ADGRF3: variants seen among roughly 807,000 people sequenced by gnomAD.
The protein encoded by ADGRF3 is G protein-coupled receptor 113.
ADGRF3 carries 85 observed loss-of-function variants against 93.2 expected under a neutral mutation model. The observed-to-expected ratio is 0.91, with a 90% CI of 0.77 to 1.09. ADGRF3 has a LOEUF of 1.09. Ranked by LOEUF, ADGRF3 falls within the 50% of genes least tolerant of loss-of-function variation. The pLI is 0.00. For synonymous variants in ADGRF3, 534 were observed against 532.5 expected (o/e 1.00, Z -0.04); for missense variants, 1,125 against 1,246.2 (o/e 0.90, Z 1.46).
chr2:26,340,805 C>G (rs577527490), intron 1 of ADGRF3, among the ~76,000 whole-genome samples: 1 of 152,088 alleles, frequency 6.6e-6, no homozygotes, highest in Non-Finnish European at 1.5e-5. Context: ...GAAAATAAGA[C>G]TTTGCCCAGT....
intron 5 of ADGRF3, 62 bp downstream of exon 5, chr2:26,315,460 G>GT: frequency 6.7e-7 from 1 of 1,500,380 alleles, no homozygotes; most frequent in Non-Finnish European, 9.0e-7. Flanking sequence ...AGAGAAGGAA[G>GT]ACGAGGATGA....
chr2:26,326,901 C>G (rs1312431874), intron 1 of ADGRF3, among the ~76,000 whole-genome samples: 1 of 152,100 alleles, frequency 6.6e-6, no homozygotes, highest in Admixed American at 6.6e-5. Context: ...GCCCAAGTAG[C>G]TGGGACTACA....
Position 26,315,325 on chromosome 2 carries a change from G to C in ADGRF3, c.718+197C>G, listed in dbSNP as rs560108146. On this transcript the variant is annotated intron_variant, in intron 5 of 13. Transcript: ENST00000651242. ...TCCACATTGCAATTTTTCACACCAA[G>C]GGACCTCTTAGCCTTTGTTTCCCCA... Among the ~76,000 whole-genome samples, 10 of 152,246 alleles carry C rather than the reference G, an allele frequency of 6.6e-5. 1 individual carries two copies. In the South Asian group the frequency reaches 1.9e-3, roughly 28 times the overall value.
At position 26,328,711 on chromosome 2, in the gene ADGRF3, C is replaced by A. The variant is rs533616388; in HGVS notation, c.115-11149G>T. On this transcript the variant is annotated intron_variant, in intron 1 of 13. Transcript: ENST00000651242. ...TCGTGATCCGCCCGCCTCAGCCTCC[C>A]AAAGTGCTGGGATTACAGGCATGAG... Among the ~76,000 whole-genome samples the A allele has an allele frequency of 3.9e-5, 6 of 152,326 alleles. No individual in the cohort carries two copies. The South Asian group carries it at 1.2e-3, about 32-fold the overall frequency.
At chr2:26,316,834 G>A (rs1674735231) in intron 3 of ADGRF3, 78 bp downstream of exon 3, 1 of 1,470,878 alleles carries the variant, frequency 6.8e-7, no homozygotes, top group Non-Finnish European at 9.1e-7. Context: ...GGCTCACAGA[G>A]TCTCAGGCAA....
intron 1 of ADGRF3, among the ~76,000 whole-genome samples, chr2:26,335,511 G>A (rs1675988549): frequency 6.6e-6 from 1 of 152,154 alleles, no homozygotes; most frequent in Non-Finnish European, 1.5e-5. Flanking sequence ...GGAGTAGAAT[G>A]ACTGGGTCAG....
chr2:26,345,997 G>A, intron 1 of ADGRF3, 124 bp downstream of exon 1: 1 of 997,798 alleles, frequency 1.0e-6, no homozygotes, highest in African/African-American at 1.6e-5. Context: ...CGGGCCGCTC[G>A]AGCGGGCTAG....
intron 2 of ADGRF3, 120 bp from the exon 3 acceptor site, chr2:26,317,175 C>A: frequency 9.4e-7 from 1 of 1,064,674 alleles, no homozygotes; most frequent in South Asian, 1.5e-5. Context: ...CCTCCCACAG[C>A]CTGTCCAGGT....
chr2:26,319,477 T>G (rs1674977457), intron 1 of ADGRF3, among the ~76,000 whole-genome samples: 1 of 152,010 alleles, frequency 6.6e-6, no homozygotes, highest in African/African-American at 2.4e-5. Flanking sequence ...ATATGAGAGC[T>G]GATTTTTACT....
Position 26,313,806 on chromosome 2 carries a change from C to T in ADGRF3, c.1026G>A (p.Leu342=), listed in dbSNP as rs755555944. 13 of 1,613,912 alleles carry T rather than the reference C, an allele frequency of 8.1e-6. No homozygotes were observed. In the East Asian group the frequency reaches 2.9e-4, roughly 36 times the overall value. Residue 342 remains leucine, a synonymous_variant, in exon 7 of 14, where the codon CTG becomes CTA. Transcript: ENST00000651242. The part of the protein sequence containing the change: ...DTTYACDLQS[L]GLAPLRVPIS... ...TGGGGACCCTGAGTGGAGCCAGGCC[C>T]AGGCTCTGCAGGTCACAAGCGTACG...
chr2:26,346,067 C>T (rs1165352707), intron 1 of ADGRF3, 54 bp downstream of exon 1: 1 of 1,512,654 alleles, frequency 6.6e-7, no homozygotes, highest in Non-Finnish European at 8.9e-7. Flanking sequence ...GAGAGGCGGC[C>T]GAAGGGGCCG....
intron 9 of ADGRF3, 130 bp downstream of exon 9, chr2:26,312,813 C>G (rs1674299696): frequency 6.3e-6 from 5 of 791,232 alleles, no homozygotes; most frequent in Non-Finnish European, 1.0e-5. Flanking sequence ...CAGGAGCAGG[C>G]CCCTGGACTC....
chr2:26,337,146 G>C (rs912866174), intron 1 of ADGRF3, among the ~76,000 whole-genome samples: 8 of 152,184 alleles, frequency 5.3e-5, no homozygotes, highest in African/African-American at 1.9e-4. Flanking sequence ...GGCAGTGATT[G>C]TCCTATACTT....
intron 1 of ADGRF3, among the ~76,000 whole-genome samples, chr2:26,319,947 G>A (rs944958283): frequency 1.3e-5 from 2 of 151,982 alleles, no homozygotes; most frequent in Non-Finnish European, 2.9e-5. Context: ...AAATTATCAA[G>A]TTATTTCATA....
In ADGRF3 at chr2:26,313,048, T is replaced by C. The variant is rs367723070; in HGVS notation, c.1344A>G (p.Ala448=). 5.2e-5 allele frequency: 84 copies of C among 1,613,926 alleles called. No homozygotes were observed. The highest frequency in any genetic ancestry group is 6.9e-5 in the Non-Finnish European group (82 of 1,179,896). The change falls in exon 9 of 14, where the codon GCA becomes GCG. Residue 448 remains alanine (A), a synonymous_variant. Transcript: ENST00000651242. The stretch of plus-strand genomic sequence containing the variant: ...GTAAGTCGGAGGGTGAACTTGCCTC[T>C]GCCGCCTGCCCTGGCAGCTGTGCCA... ...QILAQLPGQA[A]EASSPSDLLT...
rs758069037 is a variant in ADGRF3, at chr2:26,316,327, G to A, written c.447C>T (p.Gly149=). 9.7e-6 allele frequency: 15 copies of A among 1,551,882 alleles called. No individual in the cohort carries two copies. In the South Asian group the frequency reaches 1.5e-4, roughly 16 times the overall value. ...CQSLHNHQPC[G]CLVFSHPEPG... ...GTTCGGGATGGCTGAAGACAAGGCA[G>A]CCACAAGGCTGGTGGTTGTGGAGGC... The change falls in exon 4 of 14, where the codon GGC becomes GGT. Residue 149 remains glycine, a synonymous_variant. Transcript: ENST00000651242.
Position 26,313,526 on chromosome 2 carries a change from C to T in ADGRF3, c.1120G>A (p.Val374Ile). The T allele has an allele frequency of 6.2e-7, 1 of 1,611,626 alleles. No homozygotes were observed. ...PEDASVLTWNVTKAGHVAQAP... is the reference protein window; with the variant it reads ...PEDASVLTWNITKAGHVAQAP... ...TGTGCCACGTGGCCAGCCTTGGTGA[C>T]ATTCCAGGTGAGCACCGAGGCGTCC... The change falls in exon 8 of 14, where the codon GTC becomes ATC. Residue 374 changes from valine (V) to isoleucine (I), a missense_variant. Coordinates refer to ENST00000651242, the MANE Select transcript of ADGRF3 (RefSeq NM_001321971.2).
At chr2:26,337,413 T>C (rs1308383069) in intron 1 of ADGRF3, among the ~76,000 whole-genome samples, 2 of 152,216 alleles carry the variant, frequency 1.3e-5, no homozygotes, top group African/African-American at 2.4e-5. Context: ...TGTTTTGATA[T>C]GGAGAACAGT....
Position 26,317,544 on chromosome 2 carries a change from C to T in ADGRF3, c.133G>A (p.Gly45Arg). 2 of 1,579,522 alleles carry T rather than the reference C, an allele frequency of 1.3e-6. No homozygotes were observed. The highest frequency in any genetic ancestry group is 1.7e-6 in the Non-Finnish European group (2 of 1,162,902). Residue 45 changes from glycine to arginine, a missense_variant, in exon 2 of 14, where the codon GGG becomes AGG. Physicochemically the swap from Gly to Arg is moderately radical, Grantham distance 125 (BLOSUM62 -2). Coordinates refer to ENST00000651242, the MANE Select transcript of ADGRF3 (RefSeq NM_001321971.2). ...LPEKGQSQAG[G>R]ESGSGQLLDQ... ...AGGAGCTGCCCAGATCCAGATTCCC[C>T]TCCAGCCTGACTCTGTCCCTGGAAC...
Sources: allele counts gnomAD v4.1 joint callset (sites outside exome capture counted in the v4.1 genomes callset), GRCh38; gene constraint gnomAD v4.1.1; transcripts MANE v1.5; gene names NCBI Gene and HGNC (gene_info 2026-07-23, HGNC 2026-07-21).